Variants in PKHD1 observed in about 807,000 individuals in gnomAD.
The protein encoded by PKHD1 is fibrocystin.
A neutral mutation model predicts 412.0 loss-of-function variants in PKHD1; 291 were observed. That is an observed-to-expected ratio of 0.71 (90% confidence interval 0.64 to 0.78). The LOEUF (loss-of-function observed/expected upper bound fraction) is 0.78. Ranked by LOEUF, PKHD1 falls within the 30% of genes least tolerant of loss-of-function variation. The pLI, the probability that PKHD1 is intolerant of heterozygous loss-of-function variation, is 0.00. For synonymous variants in PKHD1, 1,777 were observed against 1,821.5 expected (o/e 0.98, Z 0.62); for missense variants, 4,825 against 4,950.7 (o/e 0.97, Z 0.76).
intron 34 of PKHD1, among the ~76,000 whole-genome samples, chr6:52,013,809 G>A (rs1035542877): frequency 7.9e-5 from 12 of 152,170 alleles, no homozygotes; most frequent in African/African-American, 2.9e-4. Context: ...CCTAAAGTAA[G>A]CAAGTAACCT....
chr6:51,844,880 T>C (rs965731797), intron 50 of PKHD1, among the ~76,000 whole-genome samples: 5 of 152,196 alleles, frequency 3.3e-5, no homozygotes, highest in Admixed American at 3.3e-4. Context: ...GCAGCTTCCC[T>C]ACAATAAAAT....
At chr6:51,917,611 A>C (rs1784033772) in intron 37 of PKHD1, among the ~76,000 whole-genome samples, 1 of 152,168 alleles carries the variant, frequency 6.6e-6, no homozygotes, top group Non-Finnish European at 1.5e-5. Context: ...TGGGTCTTGA[A>C]GGACAAACCA....
At chr6:51,765,634 C>A (rs1788863481) in intron 55 of PKHD1, among the ~76,000 whole-genome samples, 1 of 152,098 alleles carries the variant, frequency 6.6e-6, no homozygotes, top group African/African-American at 2.4e-5. Flanking sequence ...TCTGCCCCAG[C>A]TATTTTTGAT....
At chr6:51,716,002 G>A (rs1434121200) in intron 60 of PKHD1, among the ~76,000 whole-genome samples, 1 of 152,088 alleles carries the variant, frequency 6.6e-6, no homozygotes, top group Non-Finnish European at 1.5e-5. Context: ...CTGGCTATGT[G>A]GGTGTTCATT....
chr6:51,782,694 T>C (rs956227535), intron 53 of PKHD1, among the ~76,000 whole-genome samples: 1 of 152,180 alleles, frequency 6.6e-6, no homozygotes, highest in African/African-American at 2.4e-5. Flanking sequence ...ATTTGTGTCA[T>C]TTTCTAATCA....
chr6:51,764,776 C>T (rs1000903096), intron 55 of PKHD1, among the ~76,000 whole-genome samples: 3 of 152,078 alleles, frequency 2.0e-5, no homozygotes, highest in Admixed American at 6.6e-5. Flanking sequence ...CTACTCTCCA[C>T]ATCAACCATC....
intron 11 of PKHD1, among the ~76,000 whole-genome samples, chr6:52,067,109 T>G (rs936380198): frequency 6.6e-6 from 1 of 151,972 alleles, no homozygotes; most frequent in Admixed American, 6.6e-5. Flanking sequence ...CCCTGAAAAA[T>G]AGACATTTTA....
Position 52,013,519 on chromosome 6 carries a change from GT to G in PKHD1, c.5601-3061del, listed in dbSNP as rs995671354. On this transcript the variant is annotated intron_variant, in intron 34 of 66. Transcript: ENST00000371117. ...CTAAATAGCTAGCTACTCTTCCATG[GT>G]TTCTTCCACAATAATCCTATGAATT... Among the ~76,000 whole-genome samples the G allele has an allele frequency of 2.3e-3, 344 of 152,002 alleles. 1 individual carries two copies. Among genetic ancestry groups the G allele is most frequent in the African/African-American group, 8.0e-3 (331 of 41,438 alleles).
intron 14 of PKHD1, among the ~76,000 whole-genome samples, chr6:52,060,735 A>G (rs917372404): frequency 2.6e-5 from 4 of 152,176 alleles, no homozygotes; most frequent in Non-Finnish European, 4.4e-5. Flanking sequence ...TCAGATGATC[A>G]ATATAAAGAT....
intron 60 of PKHD1, among the ~76,000 whole-genome samples, chr6:51,669,910 G>A (rs999469300): frequency 6.9e-6 from 1 of 144,504 alleles, no homozygotes; most frequent in African/African-American, 2.6e-5. Flanking sequence ...TGGTCTGAGA[G>A]ATAGTTTGTT....
In PKHD1 at chr6:51,775,891, T is replaced by C. The variant is rs1246250277; in HGVS notation, c.8471A>G (p.Gln2824Arg). 4 of 1,592,200 alleles carry C rather than the reference T, an allele frequency of 2.5e-6. No individual in the cohort carries two copies. The highest frequency in any genetic ancestry group is 3.3e-5 in the Admixed American group (2 of 59,768). ...GTLENPLEKE[Q>R]KLLILLRASE... ...GGCTCTAAGGAGAATCAGAAGCTTT[T>C]GTTCCTTTTCTAAGGGATTTTCTAA... Residue 2824 changes from glutamine (Q) to arginine (R), a missense_variant, in exon 54 of 67, where the codon CAA becomes CGA. Transcript: ENST00000371117.
At chr6:51,664,935 TAA>T (rs1355795956) in intron 60 of PKHD1, among the ~76,000 whole-genome samples, 1 of 152,146 alleles carries the variant, frequency 6.6e-6, no homozygotes, top group African/African-American at 2.4e-5. Context: ...CTTATTTAAA[TAA>T]AGAGTTTCAT....
chr6:51,944,306 C>G (rs935697235), intron 36 of PKHD1, among the ~76,000 whole-genome samples: 1 of 152,092 alleles, frequency 6.6e-6, no homozygotes, highest in Non-Finnish European at 1.5e-5. Flanking sequence ...AAAACGGCCC[C>G]GCCCCATCTC....
At chr6:51,836,321 CA>C in intron 51 of PKHD1, 82 bp downstream of exon 51, 1 of 906,710 alleles carries the variant, frequency 1.1e-6, no homozygotes, top group South Asian at 1.3e-5. Context: ...TGTTTATTAA[CA>C]GTATGACAAG....
At chr6:51,939,940 G>A (rs932739137) in intron 36 of PKHD1, among the ~76,000 whole-genome samples, 5 of 151,456 alleles carry the variant, frequency 3.3e-5, no homozygotes, top group Non-Finnish European at 5.9e-5. Context: ...TTAATTCCTC[G>A]ACTATCCCTC....
intron 29 of PKHD1, among the ~76,000 whole-genome samples, chr6:52,031,771 G>A (rs2435315): frequency 2.0e-5 from 3 of 151,960 alleles, no homozygotes; most frequent in Admixed American, 6.6e-5. Flanking sequence ...AAAAGGCTAC[G>A]ACACTTCGTG....
intron 36 of PKHD1, among the ~76,000 whole-genome samples, chr6:51,952,021 TC>T (rs1416565078): frequency 6.6e-6 from 1 of 152,184 alleles, no homozygotes; most frequent in Admixed American, 6.6e-5. Context: ...TGTTACAATA[TC>T]CAAGTTGTCA....
chr6:51,918,907 G>A (rs549400371), intron 37 of PKHD1, among the ~76,000 whole-genome samples: 1 of 152,282 alleles, frequency 6.6e-6, no homozygotes, highest in African/African-American at 2.4e-5. Flanking sequence ...TTATTCATAT[G>A]TTTGTTGATC....
chr6:51,777,421 GC>G (rs1257011105), intron 53 of PKHD1, among the ~76,000 whole-genome samples: 3 of 152,070 alleles, frequency 2.0e-5, no homozygotes, highest in Non-Finnish European at 4.4e-5. Context: ...GGGTGAGCAA[GC>G]CTATGTATTT....
Sources: gnomAD v4.1 joint callset for allele counts (sites outside exome capture counted in the v4.1 genomes callset) on GRCh38, gnomAD v4.1.1 for gene constraint, MANE v1.5 for transcripts, NCBI Gene and HGNC (gene_info 2026-07-23, HGNC 2026-07-21) for gene names.